The following USH2A variants were observed in gnomAD, a reference collection of about 807,000 sequenced individuals.
USH2A encodes usherin.
Under a neutral mutation model 538.9 loss-of-function variants are expected in USH2A, and 443 were observed. The ratio of observed to expected loss-of-function variants is 0.82; its 90% CI spans 0.76 to 0.89. The LOEUF (loss-of-function observed/expected upper bound fraction) is 0.89. USH2A is among the 40% of genes least tolerant of loss of function. USH2A has a pLI of 0.00. For synonymous variants in USH2A, 2,413 were observed against 2,273.5 expected (o/e 1.06, Z -1.75); for missense variants, 6,633 against 6,324.8 (o/e 1.05, Z -1.65).
chr1:216,063,323 G>A (rs1245463425), intron 30 of USH2A, among the ~76,000 whole-genome samples: 1 of 152,066 alleles, frequency 6.6e-6, no homozygotes, highest in Non-Finnish European at 1.5e-5. Flanking sequence ...TTTGTTTACT[G>A]GGAAATTCTC....
chr1:216,253,625 G>A (rs926410132), intron 11 of USH2A, among the ~76,000 whole-genome samples: 5 of 152,038 alleles, frequency 3.3e-5, no homozygotes, highest in East Asian at 3.9e-4. Context: ...TTTCGTAGTC[G>A]CCCTGACCCT....
intron 55 of USH2A, among the ~76,000 whole-genome samples, chr1:215,767,002 T>C (rs1177316282): frequency 2.0e-5 from 3 of 152,294 alleles, no homozygotes; most frequent in Non-Finnish European, 2.9e-5. Flanking sequence ...TTCTCAGCCA[T>C]AGAAAAGACC....
rs754257394 is a variant in USH2A at position 215,879,052 on chromosome 1, T to C, written c.8270A>G (p.Tyr2757Cys). ...GTGAGGGTCAGGCATGTGAATCTCA[T>C]AGCTAAGTATGTCTCCGTTCTGGAT... is the stretch of plus-strand genomic sequence containing the variant. ...PLIQNGDILS[Y>C]EIHMPDPHIT... is the part of the protein sequence containing the mutation. The change falls in exon 42 of 72, where the codon TAT becomes TGT. Residue 2757 changes from tyrosine (Y) to cysteine (C), a missense_variant. By Grantham distance (194) the Tyr-to-Cys change is radical (BLOSUM62 -2). Transcript: ENST00000307340. The C allele has an allele frequency of 1.9e-6, 3 of 1,614,050 alleles. No homozygotes were observed. Among genetic ancestry groups the C allele is most frequent in the Non-Finnish European group, 2.5e-6 (3 of 1,179,950 alleles).
chr1:215,631,809 G>T (rs750324697), intron 70 of USH2A, among the ~76,000 whole-genome samples: 7 of 152,178 alleles, frequency 4.6e-5, no homozygotes, highest in Admixed American at 6.5e-5. Context: ...GCATTTCCCC[G>T]ATGGTAAAGG....
At chr1:215,703,857 G>A (rs555020591) in intron 61 of USH2A, among the ~76,000 whole-genome samples, 2 of 121,500 alleles carry the variant, frequency 1.6e-5, no homozygotes, top group African/African-American at 2.8e-5. Context: ...TGCCACTGGG[G>A]TATGGAAAAA....
intron 9 of USH2A, among the ~76,000 whole-genome samples, chr1:216,303,160 T>C (rs1278094184): frequency 1.3e-5 from 2 of 152,006 alleles, no homozygotes; most frequent in African/African-American, 2.4e-5. Flanking sequence ...CCACGTTCCC[T>C]TAAGAGAACA....
chr1:216,111,173 G>A (rs1252770279), intron 21 of USH2A, among the ~76,000 whole-genome samples: 1 of 152,204 alleles, frequency 6.6e-6, no homozygotes, highest in Non-Finnish European at 1.5e-5. Flanking sequence ...GGAGGTTGCA[G>A]TGAGCCGAGA....
At chr1:215,990,663 T>C in intron 35 of USH2A, among the ~76,000 whole-genome samples, 1 of 152,124 alleles carries the variant, frequency 6.6e-6, no homozygotes. Context: ...GTAGAATGAT[T>C]TCATGGAATA....
At chr1:216,171,442 A>G (rs1252556821) in intron 21 of USH2A, among the ~76,000 whole-genome samples, 1 of 152,116 alleles carries the variant, frequency 6.6e-6, no homozygotes, top group Non-Finnish European at 1.5e-5. Flanking sequence ...GGAATATTGC[A>G]TATTACTCAT....
At chr1:216,343,540 A>AC (rs935214283) in intron 4 of USH2A, among the ~76,000 whole-genome samples, 12 of 151,666 alleles carry the variant, frequency 7.9e-5, no homozygotes, top group African/African-American at 2.9e-4. Context: ...AAAAAAAAAA[A>AC]AGACAGTATT....
At chr1:215,799,320 T>G (rs1416907122) in intron 49 of USH2A, among the ~76,000 whole-genome samples, 195 bp from the exon 50 acceptor site, 1 of 152,212 alleles carries the variant, frequency 6.6e-6, no homozygotes, top group East Asian at 1.9e-4. Flanking sequence ...TCAGATCAGA[T>G]ACACACATGG....
intron 21 of USH2A, among the ~76,000 whole-genome samples, chr1:216,129,114 T>G (rs1204433784): frequency 1.3e-5 from 2 of 152,116 alleles, no homozygotes; most frequent in Non-Finnish European, 2.9e-5. Context: ...GAATATTTCA[T>G]CATGAATATG....
rs780718053 is a variant in USH2A, at chr1:215,634,594, C to G, written c.15162G>C (p.Leu5054Phe). ...GTATCAGGGACAGAAAAATGGCCAA[C>G]AAGATCAAGCCCAGCATCGCCATTA... The part of the protein sequence containing the change: ...IVLMAMLGLI[L>F]LAIFLSLILQ... The change falls in exon 70 of 72, where the codon TTG (leucine) becomes TTC (phenylalanine). Residue 5054 changes from leucine (L) to phenylalanine (F), a missense_variant. Physicochemically the swap from Leu to Phe is conservative, Grantham distance 22. Coordinates refer to ENST00000307340, the MANE Select transcript of USH2A (RefSeq NM_206933.4). 7.4e-6 allele frequency: 12 copies of G among 1,614,158 alleles called. No individual in the cohort carries two copies. The South Asian group carries it at 7.7e-5, about 10-fold the overall frequency.
intron 4 of USH2A, among the ~76,000 whole-genome samples, chr1:216,342,270 T>C (rs914707913): frequency 6.6e-6 from 1 of 152,096 alleles, no homozygotes; most frequent in Non-Finnish European, 1.5e-5. Flanking sequence ...ATTAGAGAAA[T>C]GCAAATCAAA....
intron 41 of USH2A, among the ~76,000 whole-genome samples, chr1:215,886,888 C>T (rs558680616): frequency 3.0e-4 from 46 of 152,070 alleles, no homozygotes; most frequent in African/African-American, 9.6e-4. Context: ...GATGGAGTCT[C>T]GCTCTGTCGC....
intron 47 of USH2A, among the ~76,000 whole-genome samples, chr1:215,830,812 G>T (rs904485455): frequency 1.3e-5 from 2 of 152,086 alleles, no homozygotes; most frequent in Non-Finnish European, 2.9e-5. Flanking sequence ...GAGTAGTAAA[G>T]CAAAGTTTAT....
chr1:216,018,702 T>C (rs1333614896), intron 32 of USH2A, among the ~76,000 whole-genome samples: 5 of 152,184 alleles, frequency 3.3e-5, no homozygotes, highest in East Asian at 1.9e-4. Flanking sequence ...AGCAGCATTA[T>C]GTGAAAGAGC....
rs2032016642 is a variant in USH2A at position 216,083,475 on chromosome 1, T to C, written c.5279A>G (p.Asp1760Gly). The change falls in exon 26 of 72, where the codon GAT becomes GGT. Residue 1760 changes from aspartate (D) to glycine (G), a missense_variant. Physicochemically the swap from Asp to Gly is moderately conservative, Grantham distance 94. Transcript: ENST00000307340. ...NGLLLFVYNK[D>G]GPDFLAMELK... Reference sequence around the variant, plus strand: ...ACATACAGCAAGAAAATCAGGTCCATCTTTGTTATAAACGAAAAGAAGCAA... The same window carrying C: ...ACATACAGCAAGAAAATCAGGTCCACCTTTGTTATAAACGAAAAGAAGCAA... 1 of 1,612,074 alleles carries C rather than the reference T, an allele frequency of 6.2e-7. No individual in the cohort carries two copies. Among genetic ancestry groups the C allele is most frequent in the Non-Finnish European group, 8.5e-7 (1 of 1,179,108 alleles).
At position 215,836,626 on chromosome 1, in the gene USH2A, G is replaced by A. The variant is rs1198550276; in HGVS notation, c.9371+1365C>T. Among the ~76,000 whole-genome samples the A allele has an allele frequency of 3.4e-5, 4 of 115,990 alleles. No individual in the cohort carries two copies. The East Asian group carries it at 7.7e-4, about 22-fold the overall frequency. 76.1% of individuals were successfully genotyped at this position (115,990 alleles called of 152,430 possible). ...GGCTGGAGTGCAGTGGCGTGATCTC[G>A]GCTCACTCCAAGTTCCGCCTCCCAG... On this transcript the variant is annotated intron_variant, in intron 47 of 71. Coordinates refer to ENST00000307340, the MANE Select transcript of USH2A (RefSeq NM_206933.4).
Sources: allele counts gnomAD v4.1 joint callset (sites outside exome capture counted in the v4.1 genomes callset), GRCh38; gene constraint gnomAD v4.1.1; transcripts MANE v1.5; gene names NCBI Gene and HGNC (gene_info 2026-07-23, HGNC 2026-07-21).